WDPCP: variants seen among roughly 807,000 people sequenced by gnomAD.
The protein encoded by WDPCP is WD repeat-containing and planar cell polarity effector protein fritz homolog.
WDPCP carries 71 observed loss-of-function variants against 93.1 expected under a neutral mutation model. The ratio of observed to expected loss-of-function variants is 0.76; its 90% confidence interval spans 0.63 to 0.93. WDPCP has a LOEUF of 0.93. Ranked by LOEUF, WDPCP falls within the 40% of genes least tolerant of loss-of-function variation. The probability of loss-of-function intolerance (pLI) is 0.00; values close to 1 mark genes in which losing one functional copy is unlikely to be tolerated. For missense variants in WDPCP, 844 were observed against 887.4 expected (o/e 0.95, Z 0.62); for synonymous variants, 315 against 315.0 (o/e 1.00, Z 0.00).
intron 2 of WDPCP, among the ~76,000 whole-genome samples, chr2:63,679,624 C>A (rs1431246632): frequency 6.6e-6 from 1 of 152,122 alleles, no homozygotes; most frequent in Non-Finnish European, 1.5e-5. Context: ...GAGGGCTGAG[C>A]AGTTAGTCAC....
intron 14 of WDPCP, among the ~76,000 whole-genome samples, chr2:63,183,996 C>T (rs1305189033): frequency 6.6e-6 from 1 of 151,880 alleles, no homozygotes; most frequent in East Asian, 1.9e-4. Context: ...AGTCCTTTAC[C>T]TTCAGGCTAT....
chr2:63,720,426 A>G (rs1669398905), intron 2 of WDPCP, among the ~76,000 whole-genome samples: 1 of 150,612 alleles, frequency 6.6e-6, no homozygotes, highest in Admixed American at 6.6e-5. Flanking sequence ...TAAAAAAAAA[A>G]AAAAACAAAA....
chr2:63,671,218 G>A (rs1484242725), intron 2 of WDPCP, among the ~76,000 whole-genome samples: 2 of 152,022 alleles, frequency 1.3e-5, no homozygotes, highest in Non-Finnish European at 2.9e-5. Flanking sequence ...ATTGATTAAG[G>A]GTCCAGCTCC....
At chr2:63,245,683 T>C (rs1303680966) in intron 14 of WDPCP, among the ~76,000 whole-genome samples, 1 of 152,166 alleles carries the variant, frequency 6.6e-6, no homozygotes, top group Non-Finnish European at 1.5e-5. Flanking sequence ...GCAAAGATCA[T>C]GATGAACTAA....
chr2:63,439,857 T>A lies in WDPCP; in HGVS notation c.399A>T (p.Ser133=). Reference sequence around the variant, plus strand: ...AAAGGCTTAGAGACACCAGCACACCTGAACCAAAAAGGAGCTAAAACCAGG... The same window carrying A: ...AAAGGCTTAGAGACACCAGCACACCAGAACCAAAAAGGAGCTAAAACCAGG... The part of the protein sequence containing the change: ...NKYVCQLLFG[S]GVLVSLSLSG... The change falls in exon 7 of 18, where the codon TCA becomes TCT. Residue 133 remains serine (S), a synonymous_variant. Coordinates refer to ENST00000272321, the MANE Select transcript of WDPCP (RefSeq NM_015910.7). 6.2e-7 allele frequency: 1 copy of A among 1,613,020 alleles called. No individual in the cohort carries two copies.
chr2:63,581,134 C>T (rs1053704855), intron 1 of WDPCP, among the ~76,000 whole-genome samples: 1 of 152,000 alleles, frequency 6.6e-6, no homozygotes, highest in African/African-American at 2.4e-5. Context: ...AACTAAAAAC[C>T]AACGTAGAAG....
intron 14 of WDPCP, among the ~76,000 whole-genome samples, chr2:63,222,773 G>A (rs776568603): frequency 1.3e-5 from 2 of 151,996 alleles, no homozygotes; most frequent in Middle Eastern, 3.2e-3. Flanking sequence ...GTATAGAATT[G>A]TTACATGAAT....
chr2:63,397,632 C>T (rs1553375972), intron 10 of WDPCP, among the ~76,000 whole-genome samples: 2 of 152,158 alleles, frequency 1.3e-5, no homozygotes, highest in Non-Finnish European at 2.9e-5. Context: ...TCATAGAAGG[C>T]TGTTTGATGA....
intron 1 of WDPCP, among the ~76,000 whole-genome samples, chr2:63,823,884 G>A (rs1671068027): frequency 6.6e-6 from 1 of 152,070 alleles, no homozygotes; most frequent in South Asian, 2.1e-4. Flanking sequence ...CAAAATAGTG[G>A]GAAATGGGCT....
At chr2:63,181,482 T>TTGAC (rs1674236416) in intron 14 of WDPCP, among the ~76,000 whole-genome samples, 1 of 152,146 alleles carries the variant, frequency 6.6e-6, no homozygotes, top group Non-Finnish European at 1.5e-5. Context: ...GTGTTGACAT[T>TTGAC]GTCAAAGATC....
chr2:63,230,504 A>T (rs1195219473), intron 14 of WDPCP, among the ~76,000 whole-genome samples: 1 of 152,158 alleles, frequency 6.6e-6, no homozygotes, highest in Non-Finnish European at 1.5e-5. Flanking sequence ...TCCTTGAGGA[A>T]TCGCCACACT....
chr2:63,652,923 A>G (rs1710124300), intron 2 of WDPCP, among the ~76,000 whole-genome samples: 2 of 152,344 alleles, frequency 1.3e-5, no homozygotes, highest in South Asian at 4.1e-4. Flanking sequence ...CTCTTCCCCA[A>G]CTACCGGTAA....
At chr2:63,141,547 C>T (rs1004509528) in intron 17 of WDPCP, among the ~76,000 whole-genome samples, 2 of 152,164 alleles carry the variant, frequency 1.3e-5, no homozygotes, top group African/African-American at 4.8e-5. Context: ...AGTTTAACAT[C>T]AATGTTCATC....
intron 12 of WDPCP, among the ~76,000 whole-genome samples, chr2:63,349,345 TAA>T (rs1292304523): frequency 6.6e-5 from 10 of 152,144 alleles, no homozygotes; most frequent in Non-Finnish European, 1.5e-4. Flanking sequence ...TTTATTATTC[TAA>T]GTCATAAAGT....
chr2:63,313,218 G>A (rs1686312374), intron 13 of WDPCP, 30 bp downstream of exon 13: 1 of 1,606,794 alleles, frequency 6.2e-7, no homozygotes, highest in African/African-American at 1.3e-5. Context: ...TAGAACTGAA[G>A]GCACAAAATC....
chr2:63,808,343 CCCACGGTCTCCCTCTCCCTCTCTTT>C (rs879503287), intron 2 of WDPCP, among the ~76,000 whole-genome samples: 12,728 of 141,044 alleles, frequency 0.09, 1,021 homozygotes, highest in African/African-American at 0.22. Flanking sequence ...CTCCCCTCTC[CCCACGGTCTCCCTCTCCCTCTCTTT>C]CCACGGTCTC....
At chr2:63,506,951 A>C (rs1050740370) in intron 1 of WDPCP, among the ~76,000 whole-genome samples, 1 of 152,056 alleles carries the variant, frequency 6.6e-6, no homozygotes, top group Non-Finnish European at 1.5e-5. Flanking sequence ...CTTTTGAAGA[A>C]GTCTCCCAGA....
chr2:63,234,239 A>C (rs1238418094), intron 14 of WDPCP, among the ~76,000 whole-genome samples: 5 of 152,186 alleles, frequency 3.3e-5, no homozygotes, highest in Non-Finnish European at 7.3e-5. Flanking sequence ...CATCGAAAAG[A>C]ATAAATGGGT....
chr2:63,368,113 T>G (rs190712708), intron 12 of WDPCP, among the ~76,000 whole-genome samples: 60 of 152,132 alleles, frequency 3.9e-4, no homozygotes, highest in Admixed American at 3.1e-3. Flanking sequence ...GCTGAATACT[T>G]TTTTAGTTAC....
Sources: gnomAD v4.1 joint callset for allele counts (sites outside exome capture counted in the v4.1 genomes callset) on GRCh38, gnomAD v4.1.1 for gene constraint, MANE v1.5 for transcripts, NCBI Gene and HGNC (gene_info 2026-07-23, HGNC 2026-07-21) for gene names.